The following TLL2 variants were observed in gnomAD, a reference collection of about 807,000 sequenced individuals.
TLL2 encodes tolloid-like protein 2.
Under a neutral mutation model 123.0 loss-of-function variants are expected in TLL2, and 106 were observed. That is an observed-to-expected ratio of 0.86 (90% CI 0.74 to 1.01). The LOEUF is 1.01. TLL2 is among the 50% of genes least tolerant of loss of function. The pLI is 0.00. For missense variants in TLL2, 1,332 were observed against 1,336.7 expected, an observed-to-expected ratio of 1.00 and a Z score of 0.06; for synonymous variants, 494 against 516.8, an observed-to-expected ratio of 0.96 and a Z score of 0.60.
rs35968467 is a variant in TLL2, at chr10:96,429,363, CAA to C, written c.521-617_521-616del. ...TTTTTATTTGTCAATTAAATATTTT[CAA>C]AAAAAAAAAAAGCTTGTTCAGAATA... On this transcript the variant is annotated intron_variant, in intron 4 of 20. Coordinates refer to ENST00000357947, the MANE Select transcript of TLL2 (RefSeq NM_012465.4). Among the ~76,000 whole-genome samples, 576 of 142,242 alleles carry C rather than the reference CAA, an allele frequency of 4.0e-3. 4 individuals are homozygous for C. The highest frequency in any genetic ancestry group is 0.014 in the African/African-American group (550 of 38,586). 93.3% of individuals were successfully genotyped at this position (142,242 alleles called of 152,430 possible).
At chr10:96,387,190 A>G in intron 13 of TLL2, 112 bp from the exon 14 acceptor site, 1 of 1,449,796 alleles carries the variant, frequency 6.9e-7, no homozygotes, top group Non-Finnish European at 9.4e-7. Context: ...AACAGGAGCC[A>G]CTCCTGGTGA....
intron 2 of TLL2, among the ~76,000 whole-genome samples, chr10:96,474,053 C>A (rs1005551105): frequency 1.6e-4 from 25 of 152,144 alleles, no homozygotes; most frequent in Non-Finnish European, 2.2e-4. Flanking sequence ...CACAGCTAAT[C>A]CGATTAGCAG....
At chr10:96,464,985 A>G (rs181688740) in intron 2 of TLL2, among the ~76,000 whole-genome samples, 8 of 152,372 alleles carry the variant, frequency 5.3e-5, no homozygotes, top group East Asian at 3.9e-4. Context: ...AATAGATCCA[A>G]TGAAGATTTA....
rs746988385 is a variant in TLL2 at position 96,384,647 on chromosome 10, C to A, written c.2134G>T (p.Val712Leu). Residue 712 changes from valine (V) to leucine (L), a missense_variant, in exon 16 of 21, where the codon GTG becomes TTG. By Grantham distance (32) the Val-to-Leu change is conservative. Coordinates refer to ENST00000357947, the MANE Select transcript of TLL2 (RefSeq NM_012465.4). ...ACGGTGTTGTCGGACTTGAACTCCA[C>A]GCGCATGTTGTTGCTCTGCGAGGTG... ...VITSQSNNMR[V>L]EFKSDNTVSK... 6.2e-7 allele frequency: 1 copy of A among 1,612,400 alleles called. No homozygotes were observed. The highest frequency in any genetic ancestry group is 1.7e-5 in the Admixed American group (1 of 59,870).
intron 1 of TLL2, among the ~76,000 whole-genome samples, chr10:96,500,747 T>C (rs888125246): frequency 2.1e-4 from 30 of 142,322 alleles, no homozygotes; most frequent in Non-Finnish European, 4.0e-4. Flanking sequence ...AGTTGTGCCA[T>C]TGCACTCCAG....
At chr10:96,501,776 G>GT (rs1352114520) in intron 1 of TLL2, among the ~76,000 whole-genome samples, 1 of 152,232 alleles carries the variant, frequency 6.6e-6, no homozygotes, top group Non-Finnish European at 1.5e-5. Flanking sequence ...TCACCAGGAA[G>GT]TCTTCCTTGA....
intron 1 of TLL2, among the ~76,000 whole-genome samples, chr10:96,499,182 C>T (rs1251065705): frequency 6.6e-6 from 1 of 152,208 alleles, no homozygotes; most frequent in Admixed American, 6.5e-5. Context: ...GGAAGGGCTG[C>T]CAGCAGTGTT....
In TLL2 at chr10:96,379,011, C is replaced by T; in HGVS notation, c.2276G>A (p.Arg759Lys). ...ATTCTCGTGGAGCCAGTAGCCGTTT[C>T]TGCACCTGCACAGGTAGCTCCCGAA... is the stretch of plus-strand genomic sequence containing the variant. Reference protein sequence around the residue: ...NTFGSYLCRCRNGYWLHENGH... With the variant: ...NTFGSYLCRCKNGYWLHENGH... The change falls in exon 17 of 21, where the codon AGA becomes AAA. Residue 759 changes from arginine to lysine, a missense_variant. Coordinates refer to ENST00000357947, the MANE Select transcript of TLL2 (RefSeq NM_012465.4). 6.2e-7 allele frequency: 1 copy of T among 1,614,250 alleles called. No homozygotes were observed. Among genetic ancestry groups the T allele is most frequent in the South Asian group, 1.1e-5 (1 of 91,086 alleles).
In TLL2 at chr10:96,386,050, C is replaced by A; in HGVS notation, c.2013+5G>T. The A allele has an allele frequency of 1.3e-6, 2 of 1,588,318 alleles. No homozygotes were observed. Among genetic ancestry groups the A allele is most frequent in the South Asian group, 1.2e-5 (1 of 86,088 alleles). On this transcript the variant is annotated splice_donor_5th_base_variant and intron_variant, in intron 15 of 20. Coordinates refer to ENST00000357947, the MANE Select transcript of TLL2 (RefSeq NM_012465.4). ...TCCCCAATCAATTAGAGCATGGAGA[C>A]ATACGTCATTGCCTTCCAGTTCAAA...
intron 2 of TLL2, among the ~76,000 whole-genome samples, chr10:96,464,785 G>A (rs1037808121): frequency 6.6e-6 from 1 of 152,148 alleles, no homozygotes; most frequent in African/African-American, 2.4e-5. Context: ...ATTCTTAAAT[G>A]TAAACAGAAA....
At chr10:96,406,946 G>T (rs901187430) in intron 9 of TLL2, among the ~76,000 whole-genome samples, 1 of 150,908 alleles carries the variant, frequency 6.6e-6, no homozygotes, top group East Asian at 1.9e-4. Context: ...ACCCCATCTC[G>T]CTCCTCCTGC....
At chr10:96,440,622 G>A (rs998574472) in intron 3 of TLL2, among the ~76,000 whole-genome samples, 7 of 152,148 alleles carry the variant, frequency 4.6e-5, no homozygotes, top group African/African-American at 1.4e-4. Flanking sequence ...AAGATACTCC[G>A]TGTTTCTCTG....
chr10:96,370,530 C>A (rs538083549), intron 19 of TLL2, among the ~76,000 whole-genome samples: 1 of 152,328 alleles, frequency 6.6e-6, no homozygotes, highest in African/African-American at 2.4e-5. Flanking sequence ...AAGCCAAGGT[C>A]CCCTGTTCCC....
At chr10:96,510,200 C>T (rs1211232972) in intron 1 of TLL2, among the ~76,000 whole-genome samples, 2 of 152,200 alleles carry the variant, frequency 1.3e-5, no homozygotes, top group Non-Finnish European at 2.9e-5. Context: ...ACAGTCCTCC[C>T]AAGCTTTGCT....
At chr10:96,421,321 C>G (rs957581955) in intron 6 of TLL2, among the ~76,000 whole-genome samples, 2 of 152,110 alleles carry the variant, frequency 1.3e-5, no homozygotes, top group African/African-American at 4.8e-5. Context: ...AGTTTGCAGA[C>G]AGATTAGTTA....
chr10:96,464,916 C>T (rs902192520), intron 2 of TLL2, among the ~76,000 whole-genome samples: 1 of 152,200 alleles, frequency 6.6e-6, no homozygotes, highest in East Asian at 1.9e-4. Context: ...TTTCTCACTA[C>T]CTGATTTGTC....
At chr10:96,398,074 G>A (rs1396425504) in intron 10 of TLL2, among the ~76,000 whole-genome samples, 1 of 152,192 alleles carries the variant, frequency 6.6e-6, no homozygotes, top group Non-Finnish European at 1.5e-5. Context: ...GTGTCTATGT[G>A]ATTGTCCAGA....
At chr10:96,510,461 T>C (rs1847618398) in intron 1 of TLL2, among the ~76,000 whole-genome samples, 1 of 152,238 alleles carries the variant, frequency 6.6e-6, no homozygotes, top group Non-Finnish European at 1.5e-5. Context: ...TATTAGCAAA[T>C]TTAAATTTTC....
At chr10:96,470,925 T>C (rs1246359914) in intron 2 of TLL2, among the ~76,000 whole-genome samples, 2 of 152,228 alleles carry the variant, frequency 1.3e-5, no homozygotes, top group African/African-American at 4.8e-5. Flanking sequence ...GGAACCAGCA[T>C]TGAATCCATT....
Sources: allele counts gnomAD v4.1 joint callset (sites outside exome capture counted in the v4.1 genomes callset), GRCh38; gene constraint gnomAD v4.1.1; transcripts MANE v1.5; gene names NCBI Gene and HGNC (gene_info 2026-07-23, HGNC 2026-07-21).